Variants in SIPA1L2 observed in about 807,000 individuals in gnomAD.
SIPA1L2 encodes signal induced proliferation associated 1 like 2.
A neutral mutation model predicts 163.9 loss-of-function variants in SIPA1L2; 56 were observed. The ratio of observed to expected loss-of-function variants is 0.34; its 90% CI spans 0.28 to 0.43. The LOEUF (loss-of-function observed/expected upper bound fraction) is 0.43, where lower values mean the gene tolerates loss of function less well. Ranked by LOEUF, SIPA1L2 falls within the 20% of genes least tolerant of loss-of-function variation. SIPA1L2 has a pLI of 1.00. For missense variants in SIPA1L2, 1,974 were observed against 2,193.5 expected (o/e 0.90, Z 2.00); for synonymous variants, 877 against 865.7 (o/e 1.01, Z -0.23).
intron 19 of SIPA1L2, among the ~76,000 whole-genome samples, chr1:232,404,702 C>A (rs1660541322): frequency 6.6e-6 from 1 of 152,176 alleles, no homozygotes; most frequent in African/African-American, 2.4e-5. Flanking sequence ...GAATGGGCGC[C>A]AGACTGGCCC....
intron 2 of SIPA1L2, among the ~76,000 whole-genome samples, chr1:232,532,349 A>G (rs1257267828): frequency 6.6e-6 from 1 of 152,202 alleles, no homozygotes; most frequent in African/African-American, 2.4e-5. Flanking sequence ...AGATTGTAGA[A>G]GGGAGTAGCA....
intron 2 of SIPA1L2, among the ~76,000 whole-genome samples, chr1:232,545,534 A>G (rs1573059540): frequency 1.3e-5 from 2 of 152,230 alleles, no homozygotes; most frequent in East Asian, 1.9e-4. Context: ...TACAGAAGCT[A>G]CAAGTTTTGT....
intron 10 of SIPA1L2, among the ~76,000 whole-genome samples, chr1:232,451,457 G>C (rs1311073186): frequency 6.6e-6 from 1 of 152,076 alleles, no homozygotes; most frequent in Non-Finnish European, 1.5e-5. Context: ...CAAATATTTC[G>C]ATGAGTTAAA....
intron 5 of SIPA1L2, among the ~76,000 whole-genome samples, chr1:232,488,955 A>T (rs1408973287): frequency 6.6e-6 from 1 of 152,202 alleles, no homozygotes; most frequent in Non-Finnish European, 1.5e-5. Context: ...ATGAGGATAG[A>T]GACTGATGGT....
At chr1:232,436,801 G>A (rs754909975) in intron 15 of SIPA1L2, among the ~76,000 whole-genome samples, 3 of 152,176 alleles carry the variant, frequency 2.0e-5, no homozygotes, top group Admixed American at 6.5e-5. Flanking sequence ...CGGGGGGCAC[G>A]CAAGAGGAAG....
At chr1:232,438,704 A>AG (rs1334446150) in intron 15 of SIPA1L2, among the ~76,000 whole-genome samples, 63 of 152,370 alleles carry the variant, frequency 4.1e-4, no homozygotes, top group Middle Eastern at 3.4e-3. Flanking sequence ...CCCTCACGGC[A>AG]GGGAGCTACA....
At chr1:232,602,077 G>A (rs571288066) in intron 1 of SIPA1L2, among the ~76,000 whole-genome samples, 35 of 152,238 alleles carry the variant, frequency 2.3e-4, no homozygotes, top group Non-Finnish European at 4.9e-4. Context: ...ATGCTACAAG[G>A]CAAGGAGGGG....
At position 232,464,869 on chromosome 1, in the gene SIPA1L2, C is replaced by T. The variant is rs757561167; in HGVS notation, c.2791G>A (p.Asp931Asn). Reference protein sequence around the residue: ...LLSSVDNCAEDIREIVQRLVI... With the variant: ...LLSSVDNCAENIREIVQRLVI... ...AATCGCTGAACAATTTCCCTGATGTCTTCAGCACAGTTGTCTACCGAGGAC... is the reference window on the plus strand; with the variant it reads ...AATCGCTGAACAATTTCCCTGATGTTTTCAGCACAGTTGTCTACCGAGGAC... Residue 931 changes from aspartate to asparagine, a missense_variant, in exon 9 of 23, where the codon GAC becomes AAC. Transcript: ENST00000674635. The T allele has an allele frequency of 1.9e-6, 3 of 1,611,422 alleles. No individual in the cohort carries two copies. The African/African-American group carries it at 4.0e-5, about 22-fold the overall frequency.
chr1:232,575,256 A>T (rs1239565051), intron 1 of SIPA1L2, among the ~76,000 whole-genome samples: 1 of 152,176 alleles, frequency 6.6e-6, no homozygotes, highest in Non-Finnish European at 1.5e-5. Flanking sequence ...CCTAAAAAAG[A>T]CAAGACAAAC....
At chr1:232,608,731 A>G (rs1662095014) in intron 1 of SIPA1L2, among the ~76,000 whole-genome samples, 1 of 152,198 alleles carries the variant, frequency 6.6e-6, no homozygotes, top group Non-Finnish European at 1.5e-5. Flanking sequence ...GAAGACTGAT[A>G]AGCACTCCAA....
At chr1:232,467,391 G>T (rs1157800559) in intron 8 of SIPA1L2, among the ~76,000 whole-genome samples, 2 of 152,120 alleles carry the variant, frequency 1.3e-5, no homozygotes, top group Non-Finnish European at 2.9e-5. Context: ...CACTGCCAGG[G>T]ATCTACATCA....
At chr1:232,566,033 T>G (rs1321058499) in intron 2 of SIPA1L2, among the ~76,000 whole-genome samples, 1 of 152,248 alleles carries the variant, frequency 6.6e-6, no homozygotes, top group African/African-American at 2.4e-5. Context: ...TTCTCAACCC[T>G]TCTTAGCTTT....
intron 9 of SIPA1L2, among the ~76,000 whole-genome samples, chr1:232,464,438 G>A (rs1174332676): frequency 1.3e-5 from 2 of 152,092 alleles, no homozygotes; most frequent in Admixed American, 6.5e-5. Context: ...AACATGCAGG[G>A]GTGAAACTGC....
intron 1 of SIPA1L2, among the ~76,000 whole-genome samples, chr1:232,586,515 G>A (rs1156762998): frequency 3.3e-5 from 5 of 152,172 alleles, no homozygotes; most frequent in East Asian, 1.9e-4. Flanking sequence ...AGCTCGTCAC[G>A]TAATCACACA....
intron 7 of SIPA1L2, among the ~76,000 whole-genome samples, chr1:232,472,109 T>C (rs10495326): frequency 0.35 from 52,717 of 152,106 alleles, 10,333 homozygotes; most frequent in East Asian, 0.73. Context: ...CCCAATCATT[T>C]GTAATTTTAT....
intron 7 of SIPA1L2, among the ~76,000 whole-genome samples, chr1:232,473,037 G>A (rs1434366131): frequency 6.6e-6 from 1 of 152,126 alleles, no homozygotes; most frequent in African/African-American, 2.4e-5. Flanking sequence ...ACATACATTA[G>A]TACATCATAA....
chr1:232,491,176 T>G, intron 4 of SIPA1L2, 114 bp from the exon 5 acceptor site: 3 of 945,982 alleles, frequency 3.2e-6, no homozygotes, highest in South Asian at 3.5e-5. Context: ...TCTTTCTGAG[T>G]GTAGTGAAAG....
chr1:232,428,454 A>G lies in SIPA1L2; in HGVS notation c.4367T>C (p.Leu1456Ser). Residue 1456 changes from leucine (L) to serine (S), a missense_variant, in exon 17 of 23, where the codon TTG (leucine) becomes TCG (serine). Leu to Ser is a moderately radical substitution (Grantham distance 145). This residue lies in a region of SIPA1L2 where 1,079 missense variants were observed against 1,150.7 expected (regional missense o/e 0.94). Coordinates refer to ENST00000674635, the MANE Select transcript of SIPA1L2 (RefSeq NM_020808.5). ...CACTAAGGGGCTGTCAGGAAGCATC[A>G]ATTTCAGAAAATCTTCTTTAGACAG... ...HVLSKEDFLK[L>S]MLPDSPLVEE... The G allele has an allele frequency of 6.3e-7, 1 of 1,587,004 alleles. No individual in the cohort carries two copies. Among genetic ancestry groups the G allele is most frequent in the Non-Finnish European group, 8.6e-7 (1 of 1,167,282 alleles).
intron 12 of SIPA1L2, 25 bp from the exon 13 acceptor site, chr1:232,441,893 T>C: frequency 6.3e-7 from 1 of 1,591,958 alleles, no homozygotes; most frequent in East Asian, 2.2e-5. Context: ...GAGTTGAGCC[T>C]GTCCTTTCTC....
Sources: gnomAD v4.1 joint callset for allele counts (sites outside exome capture counted in the v4.1 genomes callset) on GRCh38, gnomAD v4.1.1 for gene constraint, gnomAD v4.1.1 regional missense constraint, MANE v1.5 for transcripts, NCBI Gene and HGNC (gene_info 2026-07-23, HGNC 2026-07-21) for gene names.